TYRO3: variants seen among roughly 807,000 people sequenced by gnomAD.
TYRO3 encodes tyrosine-protein kinase receptor TYRO3.
Under a neutral mutation model 95.2 loss-of-function variants are expected in TYRO3, and 38 were observed. That is an observed-to-expected ratio of 0.40 (90% CI 0.31 to 0.52). TYRO3 has a LOEUF of 0.52. Among genes scored for constraint, TYRO3 ranks in the 20% least tolerant of loss-of-function variants. The pLI, the probability that TYRO3 is intolerant of heterozygous loss-of-function variation, is 0.56. For synonymous variants in TYRO3, 367 were observed against 432.9 expected, an observed-to-expected ratio of 0.85 and a Z score of 1.89; for missense variants, 812 against 1,116.4, an observed-to-expected ratio of 0.73 and a Z score of 3.89.
chr15:41,570,812 T>G, intron 12 of TYRO3, 113 bp downstream of exon 12: 1 of 1,066,976 alleles, frequency 9.4e-7, no homozygotes, highest in South Asian at 1.3e-5. Flanking sequence ...AAACAAGATA[T>G]GCTTGTAGAC....
At position 41,578,123 on chromosome 15, in the gene TYRO3, G is replaced by A. The variant is rs1168603224; in HGVS notation, c.2520G>A (p.Val840=). 4 of 1,613,928 alleles carry A rather than the reference G, an allele frequency of 2.5e-6. No individual in the cohort carries two copies. Among genetic ancestry groups the A allele is most frequent in the Non-Finnish European group, 3.4e-6 (4 of 1,180,024 alleles). Residue 840 remains valine (V), a synonymous_variant, in exon 19 of 19, where the codon GTG becomes GTA. Transcript: ENST00000263798. The stretch of plus-strand genomic sequence containing the variant: ...GGGATGGCAGTGGCATGGGGGCAGT[G>A]GGTGGCACTCCCAGTGACTGTCGGT... ...GAGDGSGMGA[V]GGTPSDCRYI...
intron 14 of TYRO3, 34 bp from the exon 15 acceptor site, chr15:41,572,409 T>A: frequency 6.9e-7 from 1 of 1,455,234 alleles, no homozygotes; most frequent in Non-Finnish European, 9.4e-7. Context: ...CCTTGACCCT[T>A]CTATGCTCAG....
chr15:41,565,020 C>A lies in TYRO3; in HGVS notation c.668-6C>A. 1 of 1,290,230 alleles carries A rather than the reference C, an allele frequency of 7.8e-7. No individual in the cohort carries two copies. The highest frequency in any genetic ancestry group is 1.1e-6 in the Non-Finnish European group (1 of 896,376). 79.9% of individuals were successfully genotyped at this position (1,290,230 alleles called of 1,614,324 possible). A position where few individuals can be genotyped will look rare whatever the true frequency, so the allele number is the denominator to read the frequency against. ...CTGGGCACTGATTCTGAGTCCCCGT[C>A]CACAGCACTGCCTGCAGCCCCCTTC... is the stretch of plus-strand genomic sequence containing the variant. On this transcript the variant is annotated splice_region_variant and splice_polypyrimidine_tract_variant and intron_variant, in intron 5 of 18. Transcript: ENST00000263798.
Position 41,562,539 on chromosome 15 carries a change from C to G in TYRO3, c.410-9C>G. ...GCAGGGCTCACTCCTCACTCCCCTT[C>G]TCTCCTAGGTGTGCCATTTTTCACA... On this transcript the variant is annotated splice_polypyrimidine_tract_variant and intron_variant, in intron 3 of 18. Transcript: ENST00000263798. 1 of 1,611,940 alleles carries G rather than the reference C, an allele frequency of 6.2e-7. No homozygotes were observed. The highest frequency in any genetic ancestry group is 8.5e-7 in the Non-Finnish European group (1 of 1,179,780).
At position 41,559,293 on chromosome 15, in the gene TYRO3, C is replaced by CCCGCCG; in HGVS notation, c.38_43dup (p.Pro13_Pro14dup). On this transcript the variant is annotated inframe_insertion, in exon 1 of 19. Transcript: ENST00000263798. ...GGCGGAGCATGGGGCGGCCGGGGCT[C>CCCGCCG]CCGCCGCTGCCGCTGCCGCCGCCAC... is the stretch of plus-strand genomic sequence containing the variant. 1.7e-6 allele frequency: 1 copy of CCCGCCG among 586,556 alleles called. No homozygotes were observed. Among genetic ancestry groups the CCCGCCG allele is most frequent in the Non-Finnish European group, 2.4e-6 (1 of 409,292 alleles). The allele number at this position is 586,556 out of a possible 1,614,324, so 36.3% of individuals were successfully genotyped here.
chr15:41,571,345 C>T (rs1449857783), intron 13 of TYRO3, among the ~76,000 whole-genome samples: 1 of 152,226 alleles, frequency 6.6e-6, no homozygotes, highest in Non-Finnish European at 1.5e-5. Context: ...TCTGAGTCCC[C>T]TCTTGGGTGA....
rs1385327745 is a variant in TYRO3, at chr15:41,583,492, A to G, written c.*5216A>G. On this transcript the variant is annotated 3_prime_UTR_variant, in exon 19 of 19. Transcript: ENST00000263798. The stretch of plus-strand genomic sequence containing the variant: ...GCCTCATTGATCTATCTAAACTCCC[A>G]TATCTATTTTGGTTGCTAGACTGTT... 3.3e-5 allele frequency: 5 copies of G among 152,108 alleles called. No homozygotes were observed. Among genetic ancestry groups the G allele is most frequent in the African/African-American group, 4.8e-5 (2 of 41,420 alleles). 9.4% of individuals were successfully genotyped at this position (152,108 alleles called of 1,614,324 possible).
At position 41,582,448 on chromosome 15, in the gene TYRO3, T is replaced by G. The variant is rs2055931488; in HGVS notation, c.*4172T>G. On this transcript the variant is annotated 3_prime_UTR_variant, in exon 19 of 19. Transcript: ENST00000263798. Reference sequence around the variant, plus strand: ...GGGAGGCTGAGGCAGGAGAATCACTTGAACCTGGGAGGGGGAGGTTGCAGT... The same window carrying G: ...GGGAGGCTGAGGCAGGAGAATCACTGGAACCTGGGAGGGGGAGGTTGCAGT... The G allele has an allele frequency of 6.6e-6, 1 of 152,082 alleles. No homozygotes were observed. Among genetic ancestry groups the G allele is most frequent in the Non-Finnish European group, 1.5e-5 (1 of 68,084 alleles). 9.4% of individuals were successfully genotyped at this position (152,082 alleles called of 1,614,324 possible).
At position 41,582,084 on chromosome 15, in the gene TYRO3, A is replaced by G. The variant is rs2055928864; in HGVS notation, c.*3808A>G. ...ACCTCTATCCTGACCTCTTAACACC[A>G]TGGATCAGTGAAGCTCCTTTTAAAA... On this transcript the variant is annotated 3_prime_UTR_variant, in exon 19 of 19. Coordinates refer to ENST00000263798, the MANE Select transcript of TYRO3 (RefSeq NM_006293.4). 1 of 152,132 alleles carries G rather than the reference A, an allele frequency of 6.6e-6. No homozygotes were observed. Among genetic ancestry groups the G allele is most frequent in the Admixed American group, 6.5e-5 (1 of 15,270 alleles). The allele number at this position is 152,132 out of a possible 1,614,324, so 9.4% of individuals were successfully genotyped here.
chr15:41,570,065 C>A lies in TYRO3; in HGVS notation c.1291C>A (p.Pro431Thr). 12 of 1,613,966 alleles carry A rather than the reference C, an allele frequency of 7.4e-6. No homozygotes were observed. The highest frequency in any genetic ancestry group is 1.0e-5 in the Non-Finnish European group (12 of 1,180,040). ...TCCTCACAGCCGCACATCCTGGGTA[C>A]CTGTGGTCCTTGGTGTGCTAACGGC... ...GPPHSRTSWVPVVLGVLTALV... is the reference protein window; with the variant it reads ...GPPHSRTSWVTVVLGVLTALV... Residue 431 changes from proline (P) to threonine (T), a missense_variant, in exon 10 of 19, where the codon CCT (proline) becomes ACT (threonine). Coordinates refer to ENST00000263798, the MANE Select transcript of TYRO3 (RefSeq NM_006293.4).
rs2055892294 is a variant in TYRO3, at chr15:41,578,752, C to G, written c.*476C>G. On this transcript the variant is annotated 3_prime_UTR_variant, in exon 19 of 19. Coordinates refer to ENST00000263798, the MANE Select transcript of TYRO3 (RefSeq NM_006293.4). Reference sequence around the variant, plus strand: ...GCCCCTCCAAGTCACAAAGAGATGTCCTTGTAATATTCCCTTTTAGGTGAG... The same window carrying G: ...GCCCCTCCAAGTCACAAAGAGATGTGCTTGTAATATTCCCTTTTAGGTGAG... 1 of 183,114 alleles carries G rather than the reference C, an allele frequency of 5.5e-6. No individual in the cohort carries two copies. Among genetic ancestry groups the G allele is most frequent in the Non-Finnish European group, 1.1e-5 (1 of 88,704 alleles). 11.3% of individuals were successfully genotyped at this position (183,114 alleles called of 1,614,324 possible). A position where few individuals can be genotyped will look rare whatever the true frequency, so the allele number is the denominator to read the frequency against.
At position 41,562,665 on chromosome 15, in the gene TYRO3, G is replaced by A. The variant is rs768736999; in HGVS notation, c.527G>A (p.Gly176Glu). The change falls in exon 4 of 19, where the codon GGA becomes GAA. Residue 176 changes from glycine to glutamate, a missense_variant. Gly to Glu is a moderately conservative substitution (Grantham distance 98). Coordinates refer to ENST00000263798, the MANE Select transcript of TYRO3 (RefSeq NM_006293.4). ...CCTGTTACCATTGTCTGGTGGAGAG[G>A]AACTACGAAGATCGGGGGACCCGCT... ...PEPVTIVWWRGTTKIGGPAPS... is the reference protein window; with the variant it reads ...PEPVTIVWWRETTKIGGPAPS... 1.2e-6 allele frequency: 2 copies of A among 1,614,152 alleles called. No individual in the cohort carries two copies. The highest frequency in any genetic ancestry group is 2.7e-5 in the African/African-American group (2 of 75,052).
rs558535647 is a variant in TYRO3 at position 41,577,881 on chromosome 15, C to T, written c.2283-5C>T. 4 of 1,185,974 alleles carry T rather than the reference C, an allele frequency of 3.4e-6. No homozygotes were observed. The highest frequency in any genetic ancestry group is 3.5e-6 in the Non-Finnish European group (3 of 855,580). 73.5% of individuals were successfully genotyped at this position (1,185,974 alleles called of 1,614,324 possible). A position where few individuals can be genotyped will look rare whatever the true frequency, so the allele number is the denominator to read the frequency against. Reference sequence around the variant, plus strand: ...TGCCTTTTCTCACGCTTCTCTCCACCCCAGGTATGATCTCATGTACCAGTG... The same window carrying T: ...TGCCTTTTCTCACGCTTCTCTCCACTCCAGGTATGATCTCATGTACCAGTG... On this transcript the variant is annotated splice_polypyrimidine_tract_variant and splice_region_variant and intron_variant, in intron 18 of 18. Coordinates refer to ENST00000263798, the MANE Select transcript of TYRO3 (RefSeq NM_006293.4).
chr15:41,571,301 A>C (rs966247706), intron 13 of TYRO3, among the ~76,000 whole-genome samples, 183 bp downstream of exon 13: 1 of 152,238 alleles, frequency 6.6e-6, no homozygotes, highest in Non-Finnish European at 1.5e-5. Flanking sequence ...ATTCATGCCC[A>C]GCCATTGCTC....
At chr15:41,562,477 C>T in intron 3 of TYRO3, 71 bp from the exon 4 acceptor site, 2 of 1,554,694 alleles carry the variant, frequency 1.3e-6, no homozygotes, top group Admixed American at 1.7e-5. Context: ...CAGATGTAAA[C>T]AGACTTGTGA....
intron 14 of TYRO3, among the ~76,000 whole-genome samples, chr15:41,572,205 A>T (rs970896259): frequency 5.3e-5 from 8 of 152,200 alleles, no homozygotes; most frequent in Non-Finnish European, 1.2e-4. Context: ...CAGAAAAAAC[A>T]AAGACTGCTT....
chr15:41,577,030 C>G (rs563036875), intron 18 of TYRO3, among the ~76,000 whole-genome samples: 2 of 152,226 alleles, frequency 1.3e-5, no homozygotes, highest in East Asian at 1.9e-4. Flanking sequence ...AGTCAACCCC[C>G]TCGCTTCAAA....
chr15:41,565,759 C>T (rs1159824816), intron 6 of TYRO3, among the ~76,000 whole-genome samples: 2 of 151,884 alleles, frequency 1.3e-5, no homozygotes, highest in Non-Finnish European at 2.9e-5. Context: ...AAAGCTCAAA[C>T]CTTTGCTGAT....
At chr15:41,576,391 C>T (rs2055860896) in intron 18 of TYRO3, among the ~76,000 whole-genome samples, 2 of 151,766 alleles carry the variant, frequency 1.3e-5, no homozygotes, top group Non-Finnish European at 2.9e-5. Flanking sequence ...CGGGGTTTCT[C>T]CATGTTGATC....
Sources: gnomAD v4.1 joint callset for allele counts (sites outside exome capture counted in the v4.1 genomes callset) on GRCh38, gnomAD v4.1.1 for gene constraint, MANE v1.5 for transcripts, NCBI Gene and HGNC (gene_info 2026-07-23, HGNC 2026-07-21) for gene names.